The following ARHGAP28 variants were observed in gnomAD, a reference collection of about 807,000 sequenced individuals.
ARHGAP28 encodes the protein Rho GTPase activating protein 28, also known as rho GTPase-activating protein 28.
In ARHGAP28, 56 loss-of-function variants were observed where a neutral mutation model predicts 90.7. That is an observed-to-expected ratio of 0.62 (90% confidence interval 0.50 to 0.77). ARHGAP28 has a LOEUF of 0.77. Among genes scored for constraint, ARHGAP28 ranks in the 30% least tolerant of loss-of-function variants. The pLI, the probability that ARHGAP28 is intolerant of heterozygous loss-of-function variation, is 0.00. For missense variants in ARHGAP28, 869 were observed against 900.9 expected, an observed-to-expected ratio of 0.96 and a Z score of 0.45; for synonymous variants, 308 against 323.3, an observed-to-expected ratio of 0.95 and a Z score of 0.51.
intron 2 of ARHGAP28, among the ~76,000 whole-genome samples, chr18:6,828,234 G>A (rs958950753): frequency 6.6e-6 from 1 of 152,162 alleles, no homozygotes; most frequent in African/African-American, 2.4e-5. Flanking sequence ...GCCTGCAATC[G>A]CAGGCACTCG....
At chr18:6,804,130 G>A (rs745351237) in intron 1 of ARHGAP28, among the ~76,000 whole-genome samples, 14 of 152,146 alleles carry the variant, frequency 9.2e-5, no homozygotes, top group Admixed American at 2.0e-4. Context: ...ATAGATAAAG[G>A]GCTATTCAGG....
At chr18:6,773,231 G>A (rs1441494678) in intron 1 of ARHGAP28, among the ~76,000 whole-genome samples, 2 of 152,160 alleles carry the variant, frequency 1.3e-5, no homozygotes, top group Non-Finnish European at 2.9e-5. Flanking sequence ...AATCAGCATA[G>A]CAAATGAAGT....
chr18:6,881,200 G>T (rs372290220), intron 10 of ARHGAP28, among the ~76,000 whole-genome samples: 5 of 152,104 alleles, frequency 3.3e-5, no homozygotes, highest in East Asian at 1.9e-4. Context: ...ATTAGGAAAA[G>T]GTCAGATGTG....
At chr18:6,730,221 GTA>G (rs55890039) in intron 1 of ARHGAP28, 39 of 174,970 alleles carry the variant, frequency 2.2e-4, no homozygotes, top group African/African-American at 9.0e-4. Flanking sequence ...TAAGTCATGT[GTA>G]TATATATATA....
At chr18:6,823,819 C>T (rs1038300256) in intron 1 of ARHGAP28, among the ~76,000 whole-genome samples, 20 of 152,070 alleles carry the variant, frequency 1.3e-4, no homozygotes, top group Admixed American at 1.2e-3. Flanking sequence ...ATGATCTCAG[C>T]TCACTGAAAC....
intron 1 of ARHGAP28, among the ~76,000 whole-genome samples, chr18:6,784,673 G>A (rs543429994): frequency 2.0e-5 from 3 of 152,298 alleles, no homozygotes; most frequent in Admixed American, 6.5e-5. Flanking sequence ...CAATTTCAGC[G>A]CAGTAGGAGG....
chr18:6,830,153 T>C (rs2143816041), intron 2 of ARHGAP28, among the ~76,000 whole-genome samples: 1 of 152,298 alleles, frequency 6.6e-6, no homozygotes, highest in Non-Finnish European at 1.5e-5. Flanking sequence ...TCAATTTTTT[T>C]CACTTCATTT....
chr18:6,870,030 C>A (rs2057071038), intron 6 of ARHGAP28, among the ~76,000 whole-genome samples: 1 of 152,050 alleles, frequency 6.6e-6, no homozygotes, highest in Non-Finnish European at 1.5e-5. Context: ...GATCAGGTAA[C>A]CAATATTAAA....
intron 16 of ARHGAP28, among the ~76,000 whole-genome samples, chr18:6,902,953 T>C (rs529971541): frequency 7.9e-5 from 12 of 152,276 alleles, no homozygotes; most frequent in African/African-American, 2.9e-4. Flanking sequence ...AAATATGGTA[T>C]ATACATATAA....
At chr18:6,811,475 A>G (rs8084061) in intron 1 of ARHGAP28, among the ~76,000 whole-genome samples, 34,894 of 151,950 alleles carry the variant, frequency 0.23, 5,011 homozygotes, top group African/African-American at 0.4. Context: ...TTCAGTAAAC[A>G]TTTTTGAGGG....
chr18:6,835,342 A>G (rs993576357), intron 2 of ARHGAP28, among the ~76,000 whole-genome samples: 7 of 152,216 alleles, frequency 4.6e-5, no homozygotes, highest in African/African-American at 1.7e-4. Flanking sequence ...GAAGAGCTCC[A>G]TGTCATAACT....
At chr18:6,829,632 A>C (rs540727384) in intron 2 of ARHGAP28, among the ~76,000 whole-genome samples, 1 of 152,264 alleles carries the variant, frequency 6.6e-6, no homozygotes, top group East Asian at 1.9e-4. Flanking sequence ...AACCCAGAAA[A>C]TTTCCTCATG....
chr18:6,769,417 G>A (rs1261449376), intron 1 of ARHGAP28, among the ~76,000 whole-genome samples: 1 of 152,166 alleles, frequency 6.6e-6, no homozygotes, highest in African/African-American at 2.4e-5. Flanking sequence ...TCCTTTGCAT[G>A]TCCATGGCAA....
At chr18:6,848,649 C>T (rs1402353474) in intron 3 of ARHGAP28, among the ~76,000 whole-genome samples, 1 of 152,190 alleles carries the variant, frequency 6.6e-6, no homozygotes, top group Non-Finnish European at 1.5e-5. Flanking sequence ...CAAAGGGGAA[C>T]ATTAACTCAT....
chr18:6,863,646 C>T (rs1197329858), intron 5 of ARHGAP28, among the ~76,000 whole-genome samples: 3 of 151,626 alleles, frequency 2.0e-5, no homozygotes, highest in African/African-American at 7.3e-5. Context: ...TACCTTGGAG[C>T]CATTTATCGA....
At chr18:6,909,750 G>C (rs1766115167) in intron 17 of ARHGAP28, among the ~76,000 whole-genome samples, 2 of 151,810 alleles carry the variant, frequency 1.3e-5, no homozygotes, top group Admixed American at 1.3e-4. Context: ...TATTTCCCTG[G>C]GGGAGCAGGG....
chr18:6,831,471 GT>G (rs57331018), intron 2 of ARHGAP28, among the ~76,000 whole-genome samples: 10,591 of 109,360 alleles, frequency 0.097, 508 homozygotes, highest in African/African-American at 0.18. Flanking sequence ...GTATCTTGAT[GT>G]TTTTTTTTTT....
intron 5 of ARHGAP28, among the ~76,000 whole-genome samples, chr18:6,862,526 A>T (rs2057006662): frequency 6.6e-6 from 1 of 152,200 alleles, no homozygotes; most frequent in Non-Finnish European, 1.5e-5. Context: ...CAACTTTATG[A>T]GAAGTAAATC....
chr18:6,901,776 A>G (rs371014864), intron 16 of ARHGAP28, among the ~76,000 whole-genome samples: 161 of 152,330 alleles, frequency 1.1e-3, no homozygotes, highest in African/African-American at 3.8e-3. Flanking sequence ...TGCTGCCATA[A>G]CAGATTACCA....
Sources: gnomAD v4.1 joint callset for allele counts (sites outside exome capture counted in the v4.1 genomes callset) on GRCh38, gnomAD v4.1.1 for gene constraint, MANE v1.5 for transcripts, NCBI Gene and HGNC (gene_info 2026-07-23, HGNC 2026-07-21) for gene names.